LRRTM4: variants seen among roughly 807,000 people sequenced by gnomAD.
The protein encoded by LRRTM4 is leucine rich repeat transmembrane neuronal 4, also known as leucine-rich repeat transmembrane neuronal protein 4.
A neutral mutation model predicts 47.6 loss-of-function variants in LRRTM4; 25 were observed. The observed-to-expected ratio is 0.53, with a 90% CI of 0.38 to 0.73. The LOEUF is 0.73. Among genes scored for constraint, LRRTM4 ranks in the 30% least tolerant of loss-of-function variants. The probability of loss-of-function intolerance (pLI) is 0.00; values close to 1 mark genes in which losing one functional copy is unlikely to be tolerated. For missense variants in LRRTM4, 638 were observed against 713.4 expected (o/e 0.89, Z 1.20); for synonymous variants, 311 against 269.5 (o/e 1.15, Z -1.51).
At chr2:77,187,233 A>G (rs767024591) in intron 3 of LRRTM4, among the ~76,000 whole-genome samples, 1 of 152,132 alleles carries the variant, frequency 6.6e-6, no homozygotes. Context: ...TTGATGCTAC[A>G]AAGTTCCTTG....
At chr2:77,420,392 A>G (rs1046793291) in intron 3 of LRRTM4, among the ~76,000 whole-genome samples, 11 of 152,116 alleles carry the variant, frequency 7.2e-5, no homozygotes, top group African/African-American at 2.7e-4. Context: ...TCCAGCCCAC[A>G]CTCAAAAGTA....
chr2:77,410,237 C>G (rs1674365088), intron 3 of LRRTM4, among the ~76,000 whole-genome samples: 1 of 151,858 alleles, frequency 6.6e-6, no homozygotes. Context: ...GAAAGAGAAC[C>G]ACCAGAAACT....
intron 3 of LRRTM4, among the ~76,000 whole-genome samples, chr2:77,248,241 GTA>G (rs1417592827): frequency 7.3e-5 from 11 of 151,564 alleles, no homozygotes; most frequent in African/African-American, 2.4e-4. Context: ...ATGTGTGTTT[GTA>G]TATGTTTTTA....
intron 3 of LRRTM4, among the ~76,000 whole-genome samples, chr2:77,262,529 C>T (rs1462478293): frequency 2.6e-5 from 4 of 151,556 alleles, no homozygotes; most frequent in East Asian, 1.9e-4. Flanking sequence ...TTCTAGGATC[C>T]CATCTAGAAT....
At chr2:77,411,463 T>TG (rs1192159310) in intron 3 of LRRTM4, among the ~76,000 whole-genome samples, 96 of 143,116 alleles carry the variant, frequency 6.7e-4, no homozygotes, top group Non-Finnish European at 1.2e-3. Context: ...TTTTTTTTTT[T>TG]TTTTTTTGAG....
At chr2:77,059,020 G>A (rs946930452) in intron 3 of LRRTM4, among the ~76,000 whole-genome samples, 14 of 151,962 alleles carry the variant, frequency 9.2e-5, no homozygotes, top group Non-Finnish European at 7.4e-5. Context: ...CATGACTTGG[G>A]CCAGTCAAAA....
At chr2:77,312,658 T>A (rs561292125) in intron 3 of LRRTM4, among the ~76,000 whole-genome samples, 1 of 152,136 alleles carries the variant, frequency 6.6e-6, no homozygotes, top group East Asian at 1.9e-4. Flanking sequence ...TCACACACAC[T>A]CTTCCATTTT....
At chr2:77,437,221 T>C (rs1675635798) in intron 3 of LRRTM4, among the ~76,000 whole-genome samples, 1 of 152,070 alleles carries the variant, frequency 6.6e-6, no homozygotes, top group Admixed American at 6.5e-5. Context: ...GAATCAGAAA[T>C]ATCGTTGATA....
chr2:77,323,998 T>A (rs1188930447), intron 3 of LRRTM4, among the ~76,000 whole-genome samples: 1 of 152,148 alleles, frequency 6.6e-6, no homozygotes, highest in Admixed American at 6.6e-5. Context: ...TCGTCATAAT[T>A]ACTAGGCTTG....
intron 3 of LRRTM4, among the ~76,000 whole-genome samples, chr2:76,924,834 C>T (rs969674628): frequency 6.6e-6 from 1 of 151,870 alleles, no homozygotes; most frequent in Admixed American, 6.6e-5. Flanking sequence ...TGTTGTAAAC[C>T]CCATGGATTC....
At chr2:76,863,303 T>C (rs976732436) in intron 3 of LRRTM4, among the ~76,000 whole-genome samples, 2 of 152,220 alleles carry the variant, frequency 1.3e-5, no homozygotes, top group African/African-American at 2.4e-5. Flanking sequence ...ACTCACTTGC[T>C]TATTTGAGGA....
intron 3 of LRRTM4, among the ~76,000 whole-genome samples, chr2:76,805,742 AAAG>A (rs1675933027): frequency 1.3e-5 from 2 of 152,278 alleles, no homozygotes; most frequent in Admixed American, 6.5e-5. Context: ...CATCCACCAG[AAAG>A]AAAACCCACT....
At chr2:77,248,865 G>A (rs1035530603) in intron 3 of LRRTM4, among the ~76,000 whole-genome samples, 19 of 151,858 alleles carry the variant, frequency 1.3e-4, no homozygotes, top group African/African-American at 4.6e-4. Flanking sequence ...AATCTAAACA[G>A]AGACTTTATA....
At chr2:76,762,906 C>A (rs1365981629) in intron 3 of LRRTM4, among the ~76,000 whole-genome samples, 1 of 152,144 alleles carries the variant, frequency 6.6e-6, no homozygotes, top group Non-Finnish European at 1.5e-5. Flanking sequence ...ATAACATCAA[C>A]AAGCTACTAG....
intron 3 of LRRTM4, among the ~76,000 whole-genome samples, chr2:77,011,531 TTGTGTGTGTGTGTGTGTGTGTGTGTG>T (rs56982328): frequency 3.5e-5 from 5 of 144,046 alleles, no homozygotes; most frequent in Non-Finnish European, 7.6e-5. Context: ...GAAGAAGCAT[TTGTGTGTGTGTGTGTGTGTGTGTGTG>T]TGTGTGTGTG....
chr2:77,059,129 G>A (rs1417900525), intron 3 of LRRTM4, among the ~76,000 whole-genome samples: 1 of 152,076 alleles, frequency 6.6e-6, no homozygotes, highest in Non-Finnish European at 1.5e-5. Context: ...TTCAAGATCT[G>A]TAGCTAAATT....
intron 3 of LRRTM4, among the ~76,000 whole-genome samples, chr2:77,352,379 A>T (rs543002354): frequency 6.6e-6 from 1 of 152,210 alleles, no homozygotes; most frequent in Admixed American, 6.5e-5. Flanking sequence ...TCTCTCAGTT[A>T]CCTAACACAC....
intron 3 of LRRTM4, among the ~76,000 whole-genome samples, chr2:76,844,123 G>C (rs1044646328): frequency 1.3e-5 from 2 of 150,030 alleles, no homozygotes; most frequent in East Asian, 2.0e-4. Context: ...GGATGGTCTC[G>C]ATCTCCTGAC....
chr2:77,004,551 C>T (rs1325368895), intron 3 of LRRTM4, among the ~76,000 whole-genome samples: 2 of 152,128 alleles, frequency 1.3e-5, no homozygotes, highest in African/African-American at 4.8e-5. Flanking sequence ...GTGGTGGTGC[C>T]CTCATGGAGA....
Sources: gnomAD v4.1 joint callset for allele counts (sites outside exome capture counted in the v4.1 genomes callset) on GRCh38, gnomAD v4.1.1 for gene constraint, MANE v1.5 for transcripts, NCBI Gene and HGNC (gene_info 2026-07-23, HGNC 2026-07-21) for gene names.